Variants in SEMA3C observed in about 807,000 individuals in gnomAD.
SEMA3C encodes semaphorin-3C.
Under a neutral mutation model 89.4 loss-of-function variants are expected in SEMA3C, and 47 were observed. The ratio of observed to expected loss-of-function variants is 0.53; its 90% CI spans 0.42 to 0.67. The LOEUF is 0.67. Ranked by LOEUF, SEMA3C falls within the 30% of genes least tolerant of loss-of-function variation. The pLI is 0.00. For missense variants in SEMA3C, 839 were observed against 929.1 expected (o/e 0.90, Z 1.26); for synonymous variants, 310 against 320.2 (o/e 0.97, Z 0.34).
chr7:80,818,506 T>A lies in SEMA3C; in HGVS notation c.328-88A>T, dbSNP rs537371227. The A allele has an allele frequency of 3.2e-4, 454 of 1,436,418 alleles. 4 individuals carry two copies. The African/African-American group carries it at 5.9e-3, about 19-fold the overall frequency. The allele number at this position is 1,436,418 out of a possible 1,614,324, so 89.0% of individuals were successfully genotyped here. A position where few individuals can be genotyped will look rare whatever the true frequency, so the allele number is the denominator to read the frequency against. On this transcript the variant is annotated intron_variant, in intron 4 of 17. Transcript: ENST00000265361. ...TATGTTAACCTGAGATCTTGTATGATAAGTAACAATGAGGTGACATAAACT... is the reference window on the plus strand; with the variant it reads ...TATGTTAACCTGAGATCTTGTATGAAAAGTAACAATGAGGTGACATAAACT...
chr7:80,823,192 G>A (rs1287160530), intron 4 of SEMA3C, among the ~76,000 whole-genome samples: 1 of 152,062 alleles, frequency 6.6e-6, no homozygotes, highest in African/African-American at 2.4e-5. Flanking sequence ...TTCTTTAACA[G>A]CGATATAGCA....
chr7:80,811,018 T>A (rs1006239524), intron 5 of SEMA3C, among the ~76,000 whole-genome samples: 1 of 152,176 alleles, frequency 6.6e-6, no homozygotes, highest in South Asian at 2.1e-4. Context: ...ACTAGATGCG[T>A]TGAACATCAG....
chr7:80,849,682 G>C (rs1790467547), intron 2 of SEMA3C, among the ~76,000 whole-genome samples: 1 of 152,076 alleles, frequency 6.6e-6, no homozygotes, highest in African/African-American at 2.4e-5. Flanking sequence ...TAAGTATAAA[G>C]TTATACAGCA....
At chr7:80,873,071 G>A (rs1440173894) in intron 2 of SEMA3C, among the ~76,000 whole-genome samples, 2 of 151,996 alleles carry the variant, frequency 1.3e-5, no homozygotes, top group African/African-American at 2.4e-5. Flanking sequence ...CAAAGGGCAG[G>A]TGAAGGGTCA....
At chr7:80,751,530 T>C (rs901644162) in intron 15 of SEMA3C, among the ~76,000 whole-genome samples, 194 bp from the exon 16 acceptor site, 1 of 152,112 alleles carries the variant, frequency 6.6e-6, no homozygotes, top group Non-Finnish European at 1.5e-5. Flanking sequence ...GGGGTACTTA[T>C]CTTTGCTTTT....
At chr7:80,853,117 T>G (rs917843404) in intron 2 of SEMA3C, among the ~76,000 whole-genome samples, 1 of 152,144 alleles carries the variant, frequency 6.6e-6, no homozygotes, top group African/African-American at 2.4e-5. Context: ...AAACAGACAC[T>G]AACGAATGCT....
intron 2 of SEMA3C, among the ~76,000 whole-genome samples, chr7:80,911,273 C>T (rs544427854): frequency 6.6e-6 from 1 of 152,192 alleles, no homozygotes; most frequent in African/African-American, 2.4e-5. Context: ...AAAACTAATT[C>T]TCATGGCAGC....
rs1788358237 is a variant in SEMA3C at position 80,768,568 on chromosome 7, A to G, written c.1355-3325T>C. Reference sequence around the variant, plus strand: ...ACAACTTAGATGATTTTCTTGGGAGATAAATAATACAAGTAAAGATTAGAA... The same window carrying G: ...ACAACTTAGATGATTTTCTTGGGAGGTAAATAATACAAGTAAAGATTAGAA... On this transcript the variant is annotated intron_variant, in intron 12 of 17. Transcript: ENST00000265361. 2.6e-5 allele frequency among the ~76,000 whole-genome samples: 4 copies of G among 152,024 alleles called. No homozygotes were observed. The South Asian group carries it at 8.3e-4, about 32-fold the overall frequency.
chr7:80,801,457 G>A (rs1364586639), intron 9 of SEMA3C, among the ~76,000 whole-genome samples: 2 of 151,998 alleles, frequency 1.3e-5, no homozygotes, highest in South Asian at 2.1e-4. Context: ...AGTATGCACA[G>A]TGAAGTGATA....
At chr7:80,755,311 T>TGGG (rs1788040935) in intron 15 of SEMA3C, among the ~76,000 whole-genome samples, 1 of 150,450 alleles carries the variant, frequency 6.6e-6, no homozygotes, top group Admixed American at 6.7e-5. Flanking sequence ...TTGTAATAGG[T>TGGG]GGGAAAACAT....
At chr7:80,904,443 GA>G (rs1348732474) in intron 2 of SEMA3C, among the ~76,000 whole-genome samples, 1 of 152,162 alleles carries the variant, frequency 6.6e-6, no homozygotes, top group Admixed American at 6.5e-5. Flanking sequence ...TCATGGCTTT[GA>G]AATGGATCTT....
At chr7:80,827,229 C>T (rs559370034) in intron 4 of SEMA3C, among the ~76,000 whole-genome samples, 196 bp downstream of exon 4, 4 of 151,972 alleles carry the variant, frequency 2.6e-5, no homozygotes, top group African/African-American at 4.8e-5. Flanking sequence ...CAATTTTTAC[C>T]CAGTTAGGAA....
intron 2 of SEMA3C, among the ~76,000 whole-genome samples, chr7:80,859,660 G>A (rs934662503): frequency 6.6e-6 from 1 of 152,132 alleles, no homozygotes; most frequent in African/African-American, 2.4e-5. Flanking sequence ...ATAGTTTGGC[G>A]GCACACATTT....
At chr7:80,826,390 C>T (rs930366007) in intron 4 of SEMA3C, among the ~76,000 whole-genome samples, 12 of 152,100 alleles carry the variant, frequency 7.9e-5, no homozygotes, top group East Asian at 3.9e-4. Flanking sequence ...TGTATGTGTA[C>T]GTGTTGACTC....
intron 2 of SEMA3C, among the ~76,000 whole-genome samples, chr7:80,841,588 A>C (rs80312168): frequency 1.3e-5 from 2 of 152,102 alleles, no homozygotes; most frequent in Admixed American, 6.6e-5. Context: ...ATATGTTGGC[A>C]AAAAATCCCC....
chr7:80,748,673 T>A (rs1787854185), intron 17 of SEMA3C, among the ~76,000 whole-genome samples: 1 of 152,190 alleles, frequency 6.6e-6, no homozygotes, highest in African/African-American at 2.4e-5. Flanking sequence ...CAAGCTCTTG[T>A]TTCAATCACC....
intron 2 of SEMA3C, among the ~76,000 whole-genome samples, chr7:80,883,734 G>A (rs2098041334): frequency 6.6e-6 from 1 of 152,180 alleles, no homozygotes; most frequent in Non-Finnish European, 1.5e-5. Flanking sequence ...GTGATTCACT[G>A]CCCTTTGGTC....
intron 2 of SEMA3C, among the ~76,000 whole-genome samples, chr7:80,846,849 C>T (rs1285273871): frequency 6.6e-6 from 1 of 152,154 alleles, no homozygotes; most frequent in Non-Finnish European, 1.5e-5. Context: ...AGAAACTACA[C>T]TTAAGAGGAG....
rs371880403 is a variant in SEMA3C at position 80,869,096 on chromosome 7, A to G, written c.104-40351T>C. ...AACTACAATTTTAACTACAATGAGG[A>G]TTGTGGCGATTTATTTAAAATCCTG... is the stretch of plus-strand genomic sequence containing the variant. On this transcript the variant is annotated intron_variant, in intron 2 of 17. Transcript: ENST00000265361. 2.8e-4 allele frequency among the ~76,000 whole-genome samples: 42 copies of G among 152,274 alleles called. No individual in the cohort carries two copies. In the East Asian group the frequency reaches 4.1e-3, roughly 15 times the overall value.
Sources: allele counts gnomAD v4.1 joint callset (sites outside exome capture counted in the v4.1 genomes callset), GRCh38; gene constraint gnomAD v4.1.1; transcripts MANE v1.5; gene names NCBI Gene and HGNC (gene_info 2026-07-23, HGNC 2026-07-21).